DDTL: variants seen among roughly 807,000 people sequenced by gnomAD.
DDTL encodes the protein D-dopachrome tautomerase like, also known as putative D-dopachrome decarboxylase-like protein.
A neutral mutation model predicts 1.1 loss-of-function variants in DDTL; 1 was observed. The ratio of observed to expected loss-of-function variants is 0.91; its 90% confidence interval spans 0.32 to 4.31. The LOEUF (loss-of-function observed/expected upper bound fraction) is 4.31, where lower values mean the gene tolerates loss of function less well. DDTL is among the 30% of genes most tolerant of loss of function. DDTL has a pLI of 0.17. For missense variants in DDTL, 54 were observed against 48.9 expected, an observed-to-expected ratio of 1.10 and a Z score of -0.31; for synonymous variants, 21 against 16.6, an observed-to-expected ratio of 1.26 and a Z score of -0.64.
chr22:23,969,667 C>T, intron 2 of DDTL: 2 of 916,616 alleles, frequency 2.2e-6, no homozygotes, highest in Non-Finnish European at 2.5e-6. Flanking sequence ...CAAAGTCATA[C>T]AATTAGCCCA....
rs1267236706 is a variant in DDTL at position 23,971,884 on chromosome 22, C to T, written c.*478C>T. On this transcript the variant is annotated 3_prime_UTR_variant, in exon 3 of 3. Coordinates refer to ENST00000215770, the MANE Select transcript of DDTL (RefSeq NM_001084393.2). Reference sequence around the variant, plus strand: ...CAGTAGCCTCGGTGTGTGTGCCGTACACTCTATCATCTCCATCAGTTTGTG... The same window carrying T: ...CAGTAGCCTCGGTGTGTGTGCCGTATACTCTATCATCTCCATCAGTTTGTG... 7 of 460,296 alleles carry T rather than the reference C, an allele frequency of 1.5e-5. No individual in the cohort carries two copies. Among genetic ancestry groups the T allele is most frequent in the African/African-American group, 9.8e-5 (5 of 51,028 alleles). The allele number at this position is 460,296 out of a possible 1,614,324, so 28.5% of individuals were successfully genotyped here. A position where few individuals can be genotyped will look rare whatever the true frequency, so the allele number is the denominator to read the frequency against.
In DDTL at chr22:23,971,843, G is replaced by A. The variant is rs148468276; in HGVS notation, c.*437G>A. The A allele has an allele frequency of 1.7e-3, 950 of 572,760 alleles. 20 individuals are homozygous for A. In the Admixed American group the frequency reaches 0.024, roughly 15 times the overall value. The allele number at this position is 572,760 out of a possible 1,614,324, so 35.5% of individuals were successfully genotyped here. ...GTAGCCGCACATCATGACCCAGCTA[G>A]GACAGACACACAATACAGTAGCCTC... is the stretch of plus-strand genomic sequence containing the variant. On this transcript the variant is annotated 3_prime_UTR_variant, in exon 3 of 3. Transcript: ENST00000215770.
rs1237804820 is a variant in DDTL at position 23,971,541 on chromosome 22, C to G, written c.*135C>G. On this transcript the variant is annotated 3_prime_UTR_variant, in exon 3 of 3. Coordinates refer to ENST00000215770, the MANE Select transcript of DDTL (RefSeq NM_001084393.2). The stretch of plus-strand genomic sequence containing the variant: ...CAGTTCACAGATGCCCTGGATCCCT[C>G]CGTGCCCAATCATAAAAAAGTCATG... 6.2e-7 allele frequency: 1 copy of G among 1,614,012 alleles called. No individual in the cohort carries two copies. The highest frequency in any genetic ancestry group is 8.5e-7 in the Non-Finnish European group (1 of 1,179,940).
At position 23,971,486 on chromosome 22, in the gene DDTL, C is replaced by CT; in HGVS notation, c.*81dup. 1 of 1,608,690 alleles carries CT rather than the reference C, an allele frequency of 6.2e-7. No homozygotes were observed. Among genetic ancestry groups the CT allele is most frequent in the South Asian group, 1.1e-5 (1 of 90,608 alleles). On this transcript the variant is annotated 3_prime_UTR_variant, in exon 3 of 3. Transcript: ENST00000215770. ...AGCTGGTTATCTCCAGGCCCTCACT[C>CT]TGCCAAGAGATCTCTCTGGAAGAAG...
chr22:23,969,431 A>C, intron 2 of DDTL: 1 of 986,072 alleles, frequency 1.0e-6, no homozygotes, highest in Non-Finnish European at 1.2e-6. Context: ...GAGATGATGG[A>C]GTGTGCAGCA....
rs2033914364 is a variant in DDTL at position 23,971,975 on chromosome 22, T to C, written c.*569T>C. On this transcript the variant is annotated 3_prime_UTR_variant, in exon 3 of 3. Transcript: ENST00000215770. ...GGGCACAGTACCTCAGCCACCTGTT[T>C]TCTCAAAGGCTGAGCACAGGGTGAC... 1 of 219,546 alleles carries C rather than the reference T, an allele frequency of 4.6e-6. No homozygotes were observed. The highest frequency in any genetic ancestry group is 1.4e-4 in the South Asian group (1 of 7,312). The allele number at this position is 219,546 out of a possible 1,614,324, so 13.6% of individuals were successfully genotyped here.
At position 23,972,360 on chromosome 22, in the gene DDTL, G is replaced by A; in HGVS notation, c.*954G>A. On this transcript the variant is annotated 3_prime_UTR_variant, in exon 3 of 3. Transcript: ENST00000215770. ...TGGGAGATTTGTTCTAGAATCCCCA[G>A]AGGAAACCAGAATCTACATTTGCTC... The A allele has an allele frequency of 3.1e-6, 1 of 319,398 alleles. No homozygotes were observed. Among genetic ancestry groups the A allele is most frequent in the Non-Finnish European group, 4.5e-6 (1 of 224,304 alleles). The allele number at this position is 319,398 out of a possible 1,614,324, so 19.8% of individuals were successfully genotyped here.
chr22:23,969,517 A>C (rs543150913), intron 2 of DDTL: 127 of 985,688 alleles, frequency 1.3e-4, no homozygotes, highest in Non-Finnish European at 1.2e-4. Flanking sequence ...TCCACACCTG[A>C]GTGTCCCACT....
intron 2 of DDTL, among the ~76,000 whole-genome samples, chr22:23,970,707 A>T (rs1244543887): frequency 1.3e-5 from 2 of 152,144 alleles, no homozygotes; most frequent in African/African-American, 4.8e-5. Flanking sequence ...GGATGTGTGT[A>T]TGTGCATGGT....
chr22:23,970,023 C>CTT, intron 2 of DDTL: 1 of 235,474 alleles, frequency 4.2e-6, no homozygotes, highest in Non-Finnish European at 7.0e-6. Context: ...GGGAAGGGTC[C>CTT]CTAGAAGTGA....
chr22:23,970,415 G>A (rs1005553864), intron 2 of DDTL, among the ~76,000 whole-genome samples: 1 of 152,094 alleles, frequency 6.6e-6, no homozygotes, highest in Admixed American at 6.5e-5. Context: ...AGTGAATTGT[G>A]ATTTTGTTGG....
rs757957648 is a variant in DDTL, at chr22:23,971,528, G to A, written c.*122G>A. 24 of 1,613,194 alleles carry A rather than the reference G, an allele frequency of 1.5e-5. No individual in the cohort carries two copies. The African/African-American group carries it at 2.0e-4, about 13-fold the overall frequency. On this transcript the variant is annotated 3_prime_UTR_variant, in exon 3 of 3. Transcript: ENST00000215770. Reference sequence around the variant, plus strand: ...TGGAAGAAGCAGCCAGTTCACAGATGCCCTGGATCCCTCCGTGCCCAATCA... The same window carrying A: ...TGGAAGAAGCAGCCAGTTCACAGATACCCTGGATCCCTCCGTGCCCAATCA...
rs1455245697 is a variant in DDTL at position 23,972,501 on chromosome 22, A to C, written c.*1095A>C. 1 of 167,830 alleles carries C rather than the reference A, an allele frequency of 6.0e-6. No individual in the cohort carries two copies. Among genetic ancestry groups the C allele is most frequent in the African/African-American group, 2.4e-5 (1 of 41,220 alleles). 10.4% of individuals were successfully genotyped at this position (167,830 alleles called of 1,614,324 possible). On this transcript the variant is annotated 3_prime_UTR_variant, in exon 3 of 3. Transcript: ENST00000215770. ...CCTAATATAATGTACGTACTATGTA[A>C]ATAGTTGTATTGTTTAGGGAATAAT...
At position 23,971,549 on chromosome 22, in the gene DDTL, A is replaced by G. The variant is rs769415600; in HGVS notation, c.*143A>G. The stretch of plus-strand genomic sequence containing the variant: ...AGATGCCCTGGATCCCTCCGTGCCC[A>G]ATCATAAAAAAGTCATGACCGTCCC... On this transcript the variant is annotated 3_prime_UTR_variant, in exon 3 of 3. Coordinates refer to ENST00000215770, the MANE Select transcript of DDTL (RefSeq NM_001084393.2). 8.7e-6 allele frequency: 14 copies of G among 1,613,964 alleles called. No homozygotes were observed. Among genetic ancestry groups the G allele is most frequent in the Non-Finnish European group, 1.2e-5 (14 of 1,179,978 alleles).
intron 2 of DDTL, chr22:23,969,745 G>A (rs778363044): frequency 2.0e-6 from 2 of 984,752 alleles, no homozygotes. Flanking sequence ...TTTAGGCCCA[G>A]GAGGTCGAGG....
intron 2 of DDTL, among the ~76,000 whole-genome samples, chr22:23,970,123 C>T (rs1367672056): frequency 6.6e-6 from 1 of 152,166 alleles, no homozygotes; most frequent in African/African-American, 2.4e-5. Flanking sequence ...GGCTCTCCAG[C>T]AGTCCAGGCA....
intron 2 of DDTL, among the ~76,000 whole-genome samples, chr22:23,970,171 A>G (rs976758647): frequency 3.3e-5 from 5 of 152,176 alleles, no homozygotes; most frequent in African/African-American, 1.2e-4. Flanking sequence ...CGGAGGTGAC[A>G]CTGGGAAGGG....
At position 23,972,124 on chromosome 22, in the gene DDTL, G is replaced by T; in HGVS notation, c.*718G>T. 2 of 973,104 alleles carry T rather than the reference G, an allele frequency of 2.1e-6. No homozygotes were observed. Among genetic ancestry groups the T allele is most frequent in the Non-Finnish European group, 2.4e-6 (2 of 818,856 alleles). The allele number at this position is 973,104 out of a possible 1,614,324, so 60.3% of individuals were successfully genotyped here. A position where few individuals can be genotyped will look rare whatever the true frequency, so the allele number is the denominator to read the frequency against. ...GGGACAGCCTGGTTGGGGCGGGCGG[G>T]AGTATGAACAGCCTGTCTTCTCATC... is the stretch of plus-strand genomic sequence containing the variant. On this transcript the variant is annotated 3_prime_UTR_variant, in exon 3 of 3. Coordinates refer to ENST00000215770, the MANE Select transcript of DDTL (RefSeq NM_001084393.2).
At position 23,970,520 on chromosome 22, in the gene DDTL, T is replaced by C. The variant is rs922783960; in HGVS notation, c.285-766T>C. On this transcript the variant is annotated intron_variant, in intron 2 of 2. Coordinates refer to ENST00000215770, the MANE Select transcript of DDTL (RefSeq NM_001084393.2). ...TGTCAGTGAATGCTGTGATTGTGTG[T>C]GTGTGTGTACGTGTGTGGGGATTTG... 3.9e-5 allele frequency among the ~76,000 whole-genome samples: 6 copies of C among 152,222 alleles called. No individual in the cohort carries two copies. In the East Asian group the frequency reaches 9.6e-4, roughly 24 times the overall value.
Sources: allele counts gnomAD v4.1 joint callset (sites outside exome capture counted in the v4.1 genomes callset), GRCh38; gene constraint gnomAD v4.1.1; transcripts MANE v1.5; gene names NCBI Gene and HGNC (gene_info 2026-07-23, HGNC 2026-07-21).